LCE1C: variants seen among roughly 807,000 people sequenced by gnomAD.
LCE1C encodes the protein late cornified envelope 1C.
In LCE1C, 1 loss-of-function variant was observed where a neutral mutation model predicts 0.7. The ratio of observed to expected loss-of-function variants is 1.44; its 90% CI spans 0.51 to 6.83. The LOEUF (loss-of-function observed/expected upper bound fraction) is 6.83. Ranked by LOEUF, LCE1C falls within the 30% of genes most tolerant of loss-of-function variation. LCE1C has a pLI of 0.14. For missense variants in LCE1C, 136 were observed against 149.6 expected (o/e 0.91, Z 0.48); for synonymous variants, 72 against 57.9 (o/e 1.24, Z -1.10).
chr1:152,805,171 G>C lies in LCE1C; in HGVS notation c.308C>G (p.Ser103Cys), dbSNP rs759862182. 5 of 1,612,540 alleles carry C rather than the reference G, an allele frequency of 3.1e-6. No individual in the cohort carries two copies. Among genetic ancestry groups the C allele is most frequent in the Admixed American group, 1.7e-5 (1 of 59,936 alleles). ...SGCCSQPSGG[S>C]SCCGGGSGQH... ...GCCACTCCCCCCGCCACAGCAGCTGGAGCCCCCCGAGGGCTGGCTGCAGCA... is the reference window on the plus strand; with the variant it reads ...GCCACTCCCCCCGCCACAGCAGCTGCAGCCCCCCGAGGGCTGGCTGCAGCA... The change falls in exon 2 of 2, where the codon TCC (serine) becomes TGC (cysteine). Residue 103 changes from serine (S) to cysteine (C), a missense_variant. Coordinates refer to ENST00000607093, the MANE Select transcript of LCE1C (RefSeq NM_178351.4).
At position 152,805,106 on chromosome 1, in the gene LCE1C, A is replaced by G. The variant is rs771926294; in HGVS notation, c.*16T>C. ...TTGCGGTCCTGGATTCTGCTCTTCT[A>G]GGCTCAGGGTCCACTTCAGCAGCAG... is the stretch of plus-strand genomic sequence containing the variant. On this transcript the variant is annotated 3_prime_UTR_variant, in exon 2 of 2. Coordinates refer to ENST00000607093, the MANE Select transcript of LCE1C (RefSeq NM_178351.4). 1.3e-6 allele frequency: 2 copies of G among 1,573,342 alleles called. No homozygotes were observed. The highest frequency in any genetic ancestry group is 1.4e-5 in the African/African-American group (1 of 73,774).
chr1:152,804,909 G>A lies in LCE1C; in HGVS notation c.*213C>T, dbSNP rs1201998128. ...TAAGCTAGGGGCTTAGACAGAGCGT[G>A]GGAGGGTAGCCACAAAGGTGAGGTC... On this transcript the variant is annotated 3_prime_UTR_variant, in exon 2 of 2. Coordinates refer to ENST00000607093, the MANE Select transcript of LCE1C (RefSeq NM_178351.4). 3.2e-6 allele frequency: 2 copies of A among 631,892 alleles called. No homozygotes were observed. The highest frequency in any genetic ancestry group is 3.6e-5 in the African/African-American group (2 of 54,908). 39.1% of individuals were successfully genotyped at this position (631,892 alleles called of 1,614,324 possible).
In LCE1C at chr1:152,805,141, T is replaced by G. The variant is rs1652292504; in HGVS notation, c.338A>C (p.His113Pro). ...TCCACTTCAGCAGCAGCCTCCAGAG[T>G]GCTGGCCACTCCCCCCGCCACAGCA... Reference protein sequence around the residue: ...SSCCGGGSGQHSGGCC With the variant: ...SSCCGGGSGQPSGGCC The change falls in exon 2 of 2, where the codon CAC becomes CCC. Residue 113 changes from histidine (H) to proline (P), a missense_variant. By Grantham distance (77) the His-to-Pro change is moderately conservative. Coordinates refer to ENST00000607093, the MANE Select transcript of LCE1C (RefSeq NM_178351.4). 6.2e-7 allele frequency: 1 copy of G among 1,606,502 alleles called. No individual in the cohort carries two copies. The highest frequency in any genetic ancestry group is 1.7e-5 in the Admixed American group (1 of 59,524).
rs1652288339 is a variant in LCE1C at position 152,805,048 on chromosome 1, G to A, written c.*74C>T. On this transcript the variant is annotated 3_prime_UTR_variant, in exon 2 of 2. Coordinates refer to ENST00000607093, the MANE Select transcript of LCE1C (RefSeq NM_178351.4). Reference sequence around the variant, plus strand: ...TTGGACCTGTGAGCCTCTCAGGCAGGCCTAGTAGGAGAAGGGGGATGTCCT... The same window carrying A: ...TTGGACCTGTGAGCCTCTCAGGCAGACCTAGTAGGAGAAGGGGGATGTCCT... 6.7e-7 allele frequency: 1 copy of A among 1,496,736 alleles called. No individual in the cohort carries two copies. Among genetic ancestry groups the A allele is most frequent in the South Asian group, 1.3e-5 (1 of 74,898 alleles). The allele number at this position is 1,496,736 out of a possible 1,614,324, so 92.7% of individuals were successfully genotyped here.
rs775714867 is a variant in LCE1C at position 152,805,175 on chromosome 1, C to T, written c.304G>A (p.Gly102Ser). 5.6e-6 allele frequency: 9 copies of T among 1,613,006 alleles called. No individual in the cohort carries two copies. Among genetic ancestry groups the T allele is most frequent in the Non-Finnish European group, 6.8e-6 (8 of 1,179,624 alleles). Residue 102 changes from glycine (G) to serine (S), a missense_variant, in exon 2 of 2, where the codon GGC becomes AGC. Physicochemically the swap from Gly to Ser is moderately conservative, Grantham distance 56. Transcript: ENST00000607093. ...CTCCCCCCGCCACAGCAGCTGGAGCCCCCCGAGGGCTGGCTGCAGCAGCCA... is the reference window on the plus strand; with the variant it reads ...CTCCCCCCGCCACAGCAGCTGGAGCTCCCCGAGGGCTGGCTGCAGCAGCCA... ...SSGCCSQPSGGSSCCGGGSGQ... is the reference protein window; with the variant it reads ...SSGCCSQPSGSSSCCGGGSGQ...
rs1557839293 is a variant in LCE1C at position 152,805,507 on chromosome 1, G to C, written c.-20-9C>G. 4 of 1,601,288 alleles carry C rather than the reference G, an allele frequency of 2.5e-6. No individual in the cohort carries two copies. Among genetic ancestry groups the C allele is most frequent in the Admixed American group, 3.3e-5 (2 of 59,948 alleles). On this transcript the variant is annotated splice_polypyrimidine_tract_variant and intron_variant, in intron 1 of 1. Transcript: ENST00000607093. ...GGTGGCGGATTCAGGAGCTGAAAGAGAGTCAAACAGCAAGTCAGACCTAGG... is the reference window on the plus strand; with the variant it reads ...GGTGGCGGATTCAGGAGCTGAAAGACAGTCAAACAGCAAGTCAGACCTAGG...
Position 152,804,881 on chromosome 1 carries a change from G to T in LCE1C, c.*241C>A. Reference sequence around the variant, plus strand: ...GCAGATGCACGCTGCAAATGACATTGAGTAAGCTAGGGGCTTAGACAGAGC... The same window carrying T: ...GCAGATGCACGCTGCAAATGACATTTAGTAAGCTAGGGGCTTAGACAGAGC... On this transcript the variant is annotated 3_prime_UTR_variant, in exon 2 of 2. Transcript: ENST00000607093. 1 of 522,530 alleles carries T rather than the reference G, an allele frequency of 1.9e-6. No homozygotes were observed. Among genetic ancestry groups the T allele is most frequent in the South Asian group, 3.8e-5 (1 of 26,098 alleles). The allele number at this position is 522,530 out of a possible 1,614,324, so 32.4% of individuals were successfully genotyped here.
Position 152,805,005 on chromosome 1 carries a change from C to T in LCE1C, c.*117G>A. The stretch of plus-strand genomic sequence containing the variant: ...CTCCAGGGAAAAGATATGCTCTTGG[C>T]AAGTTCAGAGCTTTCCCTTGGACCT... On this transcript the variant is annotated 3_prime_UTR_variant, in exon 2 of 2. Transcript: ENST00000607093. The T allele has an allele frequency of 7.8e-7, 1 of 1,274,362 alleles. No homozygotes were observed. Among genetic ancestry groups the T allele is most frequent in the Non-Finnish European group, 1.1e-6 (1 of 915,892 alleles). The allele number at this position is 1,274,362 out of a possible 1,614,324, so 78.9% of individuals were successfully genotyped here. A position where few individuals can be genotyped will look rare whatever the true frequency, so the allele number is the denominator to read the frequency against.
chr1:152,805,044 G>C lies in LCE1C; in HGVS notation c.*78C>G. On this transcript the variant is annotated 3_prime_UTR_variant, in exon 2 of 2. Transcript: ENST00000607093. ...TCCCTTGGACCTGTGAGCCTCTCAGGCAGGCCTAGTAGGAGAAGGGGGATG... is the reference window on the plus strand; with the variant it reads ...TCCCTTGGACCTGTGAGCCTCTCAGCCAGGCCTAGTAGGAGAAGGGGGATG... 1 of 1,485,162 alleles carries C rather than the reference G, an allele frequency of 6.7e-7. No individual in the cohort carries two copies. Among genetic ancestry groups the C allele is most frequent in the Non-Finnish European group, 9.0e-7 (1 of 1,105,592 alleles). 92.0% of individuals were successfully genotyped at this position (1,485,162 alleles called of 1,614,324 possible). A position where few individuals can be genotyped will look rare whatever the true frequency, so the allele number is the denominator to read the frequency against.
rs563618743 is a variant in LCE1C at position 152,806,634 on chromosome 1, C to G, written c.-54G>C. ...CAGGCAGCACAGGGTCCTTCAGCAC[C>G]TCGGGAGGTGAGTGGATGGAGTGCT... On this transcript the variant is annotated 5_prime_UTR_variant, in exon 1 of 2. Transcript: ENST00000607093. 1.2e-4 allele frequency: 18 copies of G among 152,524 alleles called. No individual in the cohort carries two copies. The highest frequency in any genetic ancestry group is 9.1e-4 in the Admixed American group (14 of 15,304). 9.4% of individuals were successfully genotyped at this position (152,524 alleles called of 1,614,324 possible).
At position 152,805,025 on chromosome 1, in the gene LCE1C, G is replaced by A; in HGVS notation, c.*97C>T. 3 of 1,405,398 alleles carry A rather than the reference G, an allele frequency of 2.1e-6. No homozygotes were observed. Among genetic ancestry groups the A allele is most frequent in the East Asian group, 2.3e-5 (1 of 43,514 alleles). The allele number at this position is 1,405,398 out of a possible 1,614,324, so 87.1% of individuals were successfully genotyped here. On this transcript the variant is annotated 3_prime_UTR_variant, in exon 2 of 2. Coordinates refer to ENST00000607093, the MANE Select transcript of LCE1C (RefSeq NM_178351.4). ...CTTGGCAAGTTCAGAGCTTTCCCTT[G>A]GACCTGTGAGCCTCTCAGGCAGGCC...
At chr1:152,806,131 T>A (rs543497389) in intron 1 of LCE1C, among the ~76,000 whole-genome samples, 120 of 152,330 alleles carry the variant, frequency 7.9e-4, no homozygotes, top group African/African-American at 2.7e-3. Flanking sequence ...GTTGGCACAG[T>A]GATCCTCAGC....
At position 152,805,289 on chromosome 1, in the gene LCE1C, A is replaced by G; in HGVS notation, c.190T>C (p.Ser64Pro). 2 of 1,613,902 alleles carry G rather than the reference A, an allele frequency of 1.2e-6. No homozygotes were observed. The highest frequency in any genetic ancestry group is 1.1e-5 in the South Asian group (1 of 91,046). ...SSSGGSCGSSSGGCCSSGGGG... is the reference protein window; with the variant it reads ...SSSGGSCGSSPGGCCSSGGGG... ...CCCCCAGAACTGCAGCATCCCCCAGAGCTGGAGCCACAGCTGCCCCCAGAG... is the reference window on the plus strand; with the variant it reads ...CCCCCAGAACTGCAGCATCCCCCAGGGCTGGAGCCACAGCTGCCCCCAGAG... The change falls in exon 2 of 2, where the codon TCT becomes CCT. Residue 64 changes from serine (S) to proline (P), a missense_variant. Transcript: ENST00000607093.
chr1:152,805,993 G>A (rs539446659), intron 1 of LCE1C, among the ~76,000 whole-genome samples: 1 of 152,310 alleles, frequency 6.6e-6, no homozygotes, highest in South Asian at 2.1e-4. Flanking sequence ...TGGTCTCACA[G>A]GCTCCCTTTG....
At position 152,805,472 on chromosome 1, in the gene LCE1C, A is replaced by C. The variant is rs1346724469; in HGVS notation, c.7T>G (p.Cys3Gly). MSCQQSQQQCQPP... is the reference protein window; with the variant it reads MSGQQSQQQCQPP... ...TGGCACTGCTGCTGGCTCTGCTGGC[A>C]GGACATCTTGGTGGCGGATTCAGGA... Residue 3 changes from cysteine (C) to glycine (G), a missense_variant, in exon 2 of 2, where the codon TGC becomes GGC. By Grantham distance (159) the Cys-to-Gly change is radical (BLOSUM62 -3). Transcript: ENST00000607093. The C allele has an allele frequency of 6.2e-7, 1 of 1,613,974 alleles. No individual in the cohort carries two copies. Among genetic ancestry groups the C allele is most frequent in the East Asian group, 2.2e-5 (1 of 44,872 alleles).
chr1:152,805,607 G>A lies in LCE1C; in HGVS notation c.-20-109C>T, dbSNP rs964625240. ...CTTTATTTTGATGAACTGTTCAAATGTCATGGTAAATCATTAATCACTGAA... is the reference window on the plus strand; with the variant it reads ...CTTTATTTTGATGAACTGTTCAAATATCATGGTAAATCATTAATCACTGAA... On this transcript the variant is annotated intron_variant, in intron 1 of 1. Coordinates refer to ENST00000607093, the MANE Select transcript of LCE1C (RefSeq NM_178351.4). 3 of 862,224 alleles carry A rather than the reference G, an allele frequency of 3.5e-6. No homozygotes were observed. The African/African-American group carries it at 5.1e-5, about 15-fold the overall frequency. The allele number at this position is 862,224 out of a possible 1,614,324, so 53.4% of individuals were successfully genotyped here. A position where few individuals can be genotyped will look rare whatever the true frequency, so the allele number is the denominator to read the frequency against.
At position 152,805,040 on chromosome 1, in the gene LCE1C, T is replaced by A; in HGVS notation, c.*82A>T. On this transcript the variant is annotated 3_prime_UTR_variant, in exon 2 of 2. Transcript: ENST00000607093. ...GCTTTCCCTTGGACCTGTGAGCCTC[T>A]CAGGCAGGCCTAGTAGGAGAAGGGG... The A allele has an allele frequency of 6.8e-7, 1 of 1,480,808 alleles. No individual in the cohort carries two copies. Among genetic ancestry groups the A allele is most frequent in the Non-Finnish European group, 9.1e-7 (1 of 1,101,900 alleles). 91.7% of individuals were successfully genotyped at this position (1,480,808 alleles called of 1,614,324 possible). A position where few individuals can be genotyped will look rare whatever the true frequency, so the allele number is the denominator to read the frequency against.
rs767617700 is a variant in LCE1C at position 152,805,363 on chromosome 1, G to C, written c.116C>G (p.Pro39Arg). Residue 39 changes from proline (P) to arginine (R), a missense_variant, in exon 2 of 2, where the codon CCT (proline) becomes CGT (arginine). Pro to Arg is a moderately radical substitution (Grantham distance 103). Coordinates refer to ENST00000607093, the MANE Select transcript of LCE1C (RefSeq NM_178351.4). ...GCTGACACTGCAGCAGGAAGAGACA[G>C]GAGGGCACTTAGGGGGACACTTTGG... ...CPPKCPPKCP[P>R]VSSCCSVSSG... The C allele has an allele frequency of 5.0e-6, 8 of 1,613,836 alleles. No individual in the cohort carries two copies. Among genetic ancestry groups the C allele is most frequent in the Non-Finnish European group, 6.8e-6 (8 of 1,179,802 alleles).
chr1:152,805,523 C>T (rs377215315), intron 1 of LCE1C, 25 bp from the exon 2 acceptor site: 1 of 1,556,424 alleles, frequency 6.4e-7, no homozygotes, highest in African/African-American at 1.4e-5. Context: ...AACAGCAAGT[C>T]AGACCTAGGC....
Sources: gnomAD v4.1 joint callset for allele counts (sites outside exome capture counted in the v4.1 genomes callset) on GRCh38, gnomAD v4.1.1 for gene constraint, MANE v1.5 for transcripts, NCBI Gene and HGNC (gene_info 2026-07-23, HGNC 2026-07-21) for gene names.